ABI3BP: variants seen among roughly 807,000 people sequenced by gnomAD.
ABI3BP encodes the protein ABI family member 3 binding protein.
Under a neutral mutation model 268.6 loss-of-function variants are expected in ABI3BP, and 216 were observed. That is an observed-to-expected ratio of 0.80 (90% CI 0.72 to 0.90). The LOEUF is 0.90. ABI3BP is among the 40% of genes least tolerant of loss of function. The probability of loss-of-function intolerance (pLI) is 0.00; values close to 1 mark genes in which losing one functional copy is unlikely to be tolerated. For missense variants in ABI3BP, 2,090 were observed against 2,182.4 expected (o/e 0.96, Z 0.84); for synonymous variants, 730 against 730.0 (o/e 1.00, Z 0.00).
In ABI3BP at chr3:100,912,300, A is replaced by AC. The variant is rs1400619002; in HGVS notation, c.260-9615_260-9614insG. Reference sequence around the variant, plus strand: ...GTAAAAAAAAAAAAAAAAAAAAAAAAAAAACAGACAACATAAAATGTATGC... The same window carrying AC: ...GTAAAAAAAAAAAAAAAAAAAAAAAACAAAACAGACAACATAAAATGTATGC... On this transcript the variant is annotated intron_variant, in intron 2 of 67. Transcript: ENST00000471714. The AC allele has an allele frequency of 7.7e-5, 12 of 156,624 alleles. 1 individual carries two copies. Among genetic ancestry groups the AC allele is most frequent in the Middle Eastern group, 3.0e-3 (1 of 338 alleles). 9.7% of individuals were successfully genotyped at this position (156,624 alleles called of 1,614,324 possible).
intron 2 of ABI3BP, among the ~76,000 whole-genome samples, chr3:100,905,087 A>AATGATGAG (rs1472374681): frequency 6.6e-6 from 1 of 152,226 alleles, no homozygotes; most frequent in Admixed American, 6.5e-5. Flanking sequence ...AGCCATAAAA[A>AATGATGAG]ATGATGAGTT....
intron 63 of ABI3BP, among the ~76,000 whole-genome samples, chr3:100,758,192 A>G (rs895212326): frequency 6.6e-5 from 10 of 152,222 alleles, no homozygotes; most frequent in East Asian, 3.8e-4. Context: ...TTCTAGAACC[A>G]GAAAGATTCA....
intron 20 of ABI3BP, among the ~76,000 whole-genome samples, chr3:100,845,958 G>A (rs1338603213): frequency 6.6e-6 from 1 of 151,674 alleles, no homozygotes; most frequent in Non-Finnish European, 1.5e-5. Flanking sequence ...GGAAAATACA[G>A]GTCTTTCTGG....
In ABI3BP at chr3:100,902,663, CTATCAGA is replaced by C; in HGVS notation, c.276_282del (p.Tyr92Ter). On this transcript the variant is annotated frameshift_variant, in exon 3 of 68. Coordinates refer to ENST00000471714, the MANE Select transcript of ABI3BP (RefSeq NM_001375547.2). LOFTEE classifies it high-confidence loss of function. ...CTTGGAGGTGGAGCAGGTCGCACAA[CTATCAGA>C]TATTTCGGCTCTGCATCTGGAAGCA... 1 of 1,613,904 alleles carries C rather than the reference CTATCAGA, an allele frequency of 6.2e-7. No homozygotes were observed. Among genetic ancestry groups the C allele is most frequent in the Non-Finnish European group, 8.5e-7 (1 of 1,179,852 alleles).
At chr3:100,971,494 C>G (rs769354084) in intron 1 of ABI3BP, among the ~76,000 whole-genome samples, 26 of 152,134 alleles carry the variant, frequency 1.7e-4, no homozygotes, top group Non-Finnish European at 3.4e-4. Flanking sequence ...TAGTCTGGAG[C>G]TGACAGCATT....
At chr3:100,971,735 T>G (rs1451200003) in intron 1 of ABI3BP, among the ~76,000 whole-genome samples, 1 of 152,204 alleles carries the variant, frequency 6.6e-6, no homozygotes, top group Non-Finnish European at 1.5e-5. Flanking sequence ...CAGAGCTTTA[T>G]ATGTGGTGGG....
intron 2 of ABI3BP, chr3:100,914,349 C>T (rs1400302700): frequency 7.2e-6 from 3 of 414,870 alleles, no homozygotes; most frequent in African/African-American, 2.0e-5. Flanking sequence ...AGAATTCTGG[C>T]TTATCTCAGT....
At chr3:100,974,785 T>A (rs952628212) in intron 1 of ABI3BP, among the ~76,000 whole-genome samples, 1 of 152,220 alleles carries the variant, frequency 6.6e-6, no homozygotes, top group Admixed American at 6.5e-5. Flanking sequence ...TTTTGTTGCT[T>A]ATTACCTAGA....
At chr3:100,972,942 GGC>G (rs2084363202) in intron 1 of ABI3BP, among the ~76,000 whole-genome samples, 1 of 152,182 alleles carries the variant, frequency 6.6e-6, no homozygotes, top group Non-Finnish European at 1.5e-5. Flanking sequence ...GCATGTTCCT[GGC>G]TGAGGTTGAA....
chr3:100,758,044 G>A lies in ABI3BP; in HGVS notation c.4851-3353C>T, dbSNP rs1490337481. 2.6e-5 allele frequency among the ~76,000 whole-genome samples: 4 copies of A among 151,986 alleles called. No individual in the cohort carries two copies. In the East Asian group the frequency reaches 7.7e-4, roughly 29 times the overall value. ...ATCTAGGACAAGCCAGGTAAATAAA[G>A]CCTCACAGAATGCCATGCCTGATTC... On this transcript the variant is annotated intron_variant, in intron 63 of 67. Coordinates refer to ENST00000471714, the MANE Select transcript of ABI3BP (RefSeq NM_001375547.2).
rs183924939 is a variant in ABI3BP at position 100,811,827 on chromosome 3, A to G, written c.3422-28T>C. The G allele has an allele frequency of 7.1e-4, 1,083 of 1,515,848 alleles. 1 individual carries two copies. The highest frequency in any genetic ancestry group is 3.1e-3 in the Admixed American group (157 of 50,940). 93.9% of individuals were successfully genotyped at this position (1,515,848 alleles called of 1,614,324 possible). A position where few individuals can be genotyped will look rare whatever the true frequency, so the allele number is the denominator to read the frequency against. The stretch of plus-strand genomic sequence containing the variant: ...AGGGAAGAAACGGGAATGGCTGGTT[A>G]GTGGTGGCCAACCCAAAGCACACTG... On this transcript the variant is annotated intron_variant, in intron 46 of 67. Coordinates refer to ENST00000471714, the MANE Select transcript of ABI3BP (RefSeq NM_001375547.2).
At chr3:100,906,496 C>A (rs2053511552) in intron 2 of ABI3BP, among the ~76,000 whole-genome samples, 1 of 152,102 alleles carries the variant, frequency 6.6e-6, no homozygotes, top group Non-Finnish European at 1.5e-5. Flanking sequence ...ACAATAAATT[C>A]TTTGTGGATT....
At chr3:100,940,759 C>T (rs1329382389) in intron 1 of ABI3BP, among the ~76,000 whole-genome samples, 3 of 105,716 alleles carry the variant, frequency 2.8e-5, no homozygotes, top group Admixed American at 2.5e-4. Context: ...ACATGGTAAT[C>T]CCTCATTTAC....
intron 14 of ABI3BP, among the ~76,000 whole-genome samples, chr3:100,858,692 A>T (rs958043137): frequency 2.0e-5 from 3 of 152,210 alleles, no homozygotes; most frequent in Non-Finnish European, 4.4e-5. Context: ...GAGCTGGTCT[A>T]GTACCCACAG....
chr3:100,854,572 C>T (rs1165737262), intron 14 of ABI3BP, among the ~76,000 whole-genome samples: 1 of 152,120 alleles, frequency 6.6e-6, no homozygotes, highest in Non-Finnish European at 1.5e-5. Flanking sequence ...AAGGGTGAAC[C>T]CTTCTGTATG....
At chr3:100,925,983 C>A (rs1009941215) in intron 2 of ABI3BP, among the ~76,000 whole-genome samples, 1 of 151,864 alleles carries the variant, frequency 6.6e-6, no homozygotes, top group Non-Finnish European at 1.5e-5. Flanking sequence ...TAGTAAGGTA[C>A]AGCACTAAGG....
intron 1 of ABI3BP, among the ~76,000 whole-genome samples, chr3:100,927,495 TAAAGA>T (rs57331472): frequency 0.59 from 88,861 of 151,360 alleles, 26,858 homozygotes; most frequent in East Asian, 0.91. Context: ...GCGTAATTTA[TAAAGA>T]AAAGAGGTTT....
chr3:100,791,464 TTA>T (rs2097195251), intron 55 of ABI3BP, among the ~76,000 whole-genome samples: 1 of 151,846 alleles, frequency 6.6e-6, no homozygotes, highest in South Asian at 2.1e-4. Flanking sequence ...AACAGATTGA[TTA>T]TGAGAATCCA....
Position 100,885,587 on chromosome 3 carries a change from A to G in ABI3BP, c.645T>C (p.Ser215=). 6.5e-7 allele frequency: 1 copy of G among 1,539,718 alleles called. No individual in the cohort carries two copies. The highest frequency in any genetic ancestry group is 8.8e-7 in the Non-Finnish European group (1 of 1,132,128). The change falls in exon 6 of 68, where the codon AGT becomes AGC. Residue 215 remains serine, a splice_region_variant and synonymous_variant. Transcript: ENST00000471714. ...KIFNHKTVVG[S]KKVNGKIQST... ...TTTGGATTTTCCCATTTACTTTTTTACCTGATGAAACAAGGGAAAAATAAC... is the reference window on the plus strand; with the variant it reads ...TTTGGATTTTCCCATTTACTTTTTTGCCTGATGAAACAAGGGAAAAATAAC...
Sources: gnomAD v4.1 joint callset for allele counts (sites outside exome capture counted in the v4.1 genomes callset) on GRCh38, gnomAD v4.1.1 for gene constraint, MANE v1.5 for transcripts, NCBI Gene and HGNC (gene_info 2026-07-23, HGNC 2026-07-21) for gene names.